OR56A3: variants seen among roughly 807,000 people sequenced by gnomAD.
OR56A3 encodes olfactory receptor family 56 subfamily A member 3.
In OR56A3, 23 loss-of-function variants were observed where a neutral mutation model predicts 17.5. The observed-to-expected ratio is 1.32, with a 90% confidence interval of 0.95 to 1.87. The LOEUF is 1.87. Ranked by LOEUF, OR56A3 falls within the 40% of genes most tolerant of loss-of-function variation. The pLI is 0.00. For missense variants in OR56A3, 366 were observed against 380.1 expected, an observed-to-expected ratio of 0.96 and a Z score of 0.31; for synonymous variants, 175 against 150.6, an observed-to-expected ratio of 1.16 and a Z score of -1.19.
intron 2 of OR56A3, among the ~76,000 whole-genome samples, chr11:5,946,255 T>C (rs562713076): frequency 4.6e-5 from 7 of 152,386 alleles, no homozygotes; most frequent in African/African-American, 1.7e-4. Flanking sequence ...TAATAATTTG[T>C]GCATATCTCT....
the OR56A3 span, among the ~76,000 whole-genome samples, chr11:5,965,774 T>C: frequency 6.6e-6 from 1 of 151,878 alleles, no homozygotes; most frequent in African/African-American, 2.4e-5. Flanking sequence ...TCCATTGGGG[T>C]AAATAAAGGA....
At chr11:6,017,344 G>C in the OR56A3 span, among the ~76,000 whole-genome samples, 1 of 151,992 alleles carries the variant, frequency 6.6e-6, no homozygotes, top group African/African-American at 2.4e-5. Context: ...AAGCCAAAAA[G>C]GTATTCTCCA....
chr11:5,960,876 C>T, the OR56A3 span, among the ~76,000 whole-genome samples: 7 of 152,170 alleles, frequency 4.6e-5, no homozygotes, highest in East Asian at 1.4e-3. Flanking sequence ...TGCCTCGCCG[C>T]CCCGTCTGAG....
At chr11:6,001,659 C>T in the OR56A3 span, 1 of 159,634 alleles carries the variant, frequency 6.3e-6, no homozygotes, top group Non-Finnish European at 1.4e-5. Flanking sequence ...GAATCAGAGA[C>T]AGGGAAGGAA....
chr11:5,960,118 T>G, the OR56A3 span, among the ~76,000 whole-genome samples: 2 of 152,222 alleles, frequency 1.3e-5, no homozygotes, highest in Non-Finnish European at 2.9e-5. Context: ...CATTTTTGTT[T>G]TCTTTCTCAA....
At chr11:6,008,149 T>C in the OR56A3 span, among the ~76,000 whole-genome samples, 1 of 152,166 alleles carries the variant, frequency 6.6e-6, no homozygotes, top group South Asian at 2.1e-4. Flanking sequence ...TCATGTGGGC[T>C]TTGGGCATAA....
At chr11:5,974,357 G>A in the OR56A3 span, among the ~76,000 whole-genome samples, 3 of 151,872 alleles carry the variant, frequency 2.0e-5, no homozygotes, top group South Asian at 2.1e-4. Context: ...CGCCCGCCTC[G>A]GCCTCTCAAA....
At chr11:5,951,498 T>C (rs997660779), downstream of OR56A3, among the ~76,000 whole-genome samples, 22 of 152,130 alleles carry the variant, frequency 1.4e-4, no homozygotes, top group African/African-American at 4.8e-5. Context: ...GAAAGCTGTC[T>C]CTTCAAACCA....
the OR56A3 span, among the ~76,000 whole-genome samples, chr11:6,014,892 G>C: frequency 6.9e-6 from 1 of 143,924 alleles, no homozygotes; most frequent in Non-Finnish European, 1.5e-5. Flanking sequence ...GGAATCTGTG[G>C]AACTTTGATC....
At chr11:5,960,230 C>G in the OR56A3 span, among the ~76,000 whole-genome samples, 1 of 151,872 alleles carries the variant, frequency 6.6e-6, no homozygotes, top group Admixed American at 6.6e-5. Flanking sequence ...GATTGCATCC[C>G]TCTCCCCCTC....
the OR56A3 span, among the ~76,000 whole-genome samples, chr11:5,960,989 GC>G: frequency 0.01 from 1,534 of 151,310 alleles, 27 homozygotes; most frequent in African/African-American, 0.036. Context: ...TCTCTGACCG[GC>G]CGCCCCATCT....
At chr11:5,987,319 C>T in the OR56A3 span, among the ~76,000 whole-genome samples, 1 of 152,098 alleles carries the variant, frequency 6.6e-6, no homozygotes, top group Non-Finnish European at 1.5e-5. Flanking sequence ...AGAGTTGTTC[C>T]CCCTGTAGCC....
chr11:5,947,125 A>G (rs1847874682), intron 2 of OR56A3, among the ~76,000 whole-genome samples, 186 bp from the exon 3 acceptor site: 1 of 152,204 alleles, frequency 6.6e-6, no homozygotes, highest in Non-Finnish European at 1.5e-5. Context: ...GAATCATGTC[A>G]CCTCAGACAG....
the OR56A3 span, chr11:5,967,751 G>A: frequency 1.2e-6 from 2 of 1,606,556 alleles, no homozygotes; most frequent in South Asian, 1.1e-5. Flanking sequence ...GGATGAGGAT[G>A]AAGTGGGAAC....
rs1013370087 is a variant in OR56A3 at position 5,949,403 on chromosome 11, C to T, written c.*1109C>T. 6.6e-6 allele frequency: 1 copy of T among 152,156 alleles called. No homozygotes were observed. Among genetic ancestry groups the T allele is most frequent in the South Asian group, 2.1e-4 (1 of 4,822 alleles). The allele number at this position is 152,156 out of a possible 1,614,324, so 9.4% of individuals were successfully genotyped here. A position where few individuals can be genotyped will look rare whatever the true frequency, so the allele number is the denominator to read the frequency against. ...TAAAGAGAAGGTCTGGGCAGTAGGC[C>T]TTGCACAGCCACACACCCACATGCA... is the stretch of plus-strand genomic sequence containing the variant. On this transcript the variant is annotated 3_prime_UTR_variant, in exon 3 of 3. Coordinates refer to ENST00000641160, the MANE Select transcript of OR56A3 (RefSeq NM_001003443.3).
chr11:5,963,967 C>T, the OR56A3 span, among the ~76,000 whole-genome samples: 1 of 151,898 alleles, frequency 6.6e-6, no homozygotes, highest in Non-Finnish European at 1.5e-5. Context: ...TCTACAGATT[C>T]TTTCTTCTGC....
At position 5,947,714 on chromosome 11, in the gene OR56A3, C is replaced by T. The variant is rs199844033; in HGVS notation, c.368C>T (p.Ala123Val). The T allele has an allele frequency of 6.2e-7, 1 of 1,614,194 alleles. No individual in the cohort carries two copies. The highest frequency in any genetic ancestry group is 1.1e-5 in the South Asian group (1 of 91,082). ...GAGTCTTGCACATTCATGGTCATGG[C>T]CTATGATCGTTATGTAGCCATCTGC... ...AMESCTFMVM[A>V]YDRYVAICHP... The change falls in exon 3 of 3, where the codon GCC becomes GTC. Residue 123 changes from alanine to valine, a missense_variant. Physicochemically the swap from Ala to Val is moderately conservative, Grantham distance 64. Transcript: ENST00000641160.
chr11:5,986,014 T>C, the OR56A3 span: 1 of 1,613,160 alleles, frequency 6.2e-7, no homozygotes, highest in Non-Finnish European at 8.5e-7. Context: ...GACAAGAGGA[T>C]TGAGCGCAGG....
chr11:5,994,762 C>T, the OR56A3 span: 3 of 766,646 alleles, frequency 3.9e-6, no homozygotes, highest in East Asian at 2.5e-5. Context: ...CCCTCTGGTC[C>T]TCAAAGGTCT....
Sources: gnomAD v4.1 joint callset for allele counts (sites outside exome capture counted in the v4.1 genomes callset) on GRCh38, gnomAD v4.1.1 for gene constraint, MANE v1.5 for transcripts, NCBI Gene and HGNC (gene_info 2026-07-23, HGNC 2026-07-21) for gene names.